The following PIK3R3 variants were observed in gnomAD, a reference collection of about 807,000 sequenced individuals.
PIK3R3 encodes the protein phosphatidylinositol 3-kinase regulatory subunit gamma.
Under a neutral mutation model 62.9 loss-of-function variants are expected in PIK3R3, and 64 were observed. The ratio of observed to expected loss-of-function variants is 1.02; its 90% CI spans 0.83 to 1.25. The LOEUF (loss-of-function observed/expected upper bound fraction) is 1.25. PIK3R3 is among the 50% of genes most tolerant of loss of function. The pLI, the probability that PIK3R3 is intolerant of heterozygous loss-of-function variation, is 0.00. For missense variants in PIK3R3, 614 were observed against 561.6 expected (o/e 1.09, Z -0.94); for synonymous variants, 165 against 189.0 (o/e 0.87, Z 1.04).
At chr1:46,046,777 C>T (rs774483432) in intron 7 of PIK3R3, 152 bp from the exon 8 acceptor site, 7 of 591,048 alleles carry the variant, frequency 1.2e-5, no homozygotes, top group Non-Finnish European at 2.1e-5. Context: ...ATTAGTCTCT[C>T]GATTACTTTT....
At chr1:46,169,080 C>T in the PIK3R3 span, among the ~76,000 whole-genome samples, 1 of 152,232 alleles carries the variant, frequency 6.6e-6, no homozygotes, top group Non-Finnish European at 1.5e-5. Context: ...ATGGAACTCA[C>T]TGCCTCTCAG....
intron 2 of PIK3R3, 114 bp downstream of exon 2, chr1:46,080,528 T>C (rs750932581): frequency 3.5e-5 from 25 of 720,888 alleles, no homozygotes; most frequent in Non-Finnish European, 5.9e-5. Flanking sequence ...CCTGAGTTGC[T>C]GGGATTATAG....
In PIK3R3 at chr1:46,132,453, A is replaced by G. The variant is rs1202012019; in HGVS notation, c.-501T>C. The G allele has an allele frequency of 8.4e-7, 1 of 1,191,766 alleles. No homozygotes were observed. Among genetic ancestry groups the G allele is most frequent in the East Asian group, 6.0e-5 (1 of 16,754 alleles). 73.8% of individuals were successfully genotyped at this position (1,191,766 alleles called of 1,614,324 possible). On this transcript the variant is annotated 5_prime_UTR_variant, in exon 1 of 10. Transcript: ENST00000262741. ...TTCGGGGTCCCACTGGTCTGCAGAG[A>G]GCGAATCCCCCAGAGGCCGGGACTC...
chr1:46,132,170 G>C lies in PIK3R3; in HGVS notation c.-218C>G. 3 of 1,327,050 alleles carry C rather than the reference G, an allele frequency of 2.3e-6. No homozygotes were observed. The highest frequency in any genetic ancestry group is 2.9e-6 in the Non-Finnish European group (3 of 1,035,352). 82.2% of individuals were successfully genotyped at this position (1,327,050 alleles called of 1,614,324 possible). On this transcript the variant is annotated 5_prime_UTR_variant, in exon 1 of 10. Coordinates refer to ENST00000262741, the MANE Select transcript of PIK3R3 (RefSeq NM_003629.4). ...AATGCCCCCGAACTTTCAAGCTATG[G>C]GCTTTTCTCCTCAGAGGATTACACA...
In PIK3R3 at chr1:46,121,843, C is replaced by G. The variant is rs562107977; in HGVS notation, c.106+10004G>C. 7.2e-5 allele frequency among the ~76,000 whole-genome samples: 11 copies of G among 152,058 alleles called. No homozygotes were observed. In the South Asian group the frequency reaches 2.3e-3, roughly 32 times the overall value. On this transcript the variant is annotated intron_variant, in intron 1 of 9. Coordinates refer to ENST00000262741, the MANE Select transcript of PIK3R3 (RefSeq NM_003629.4). ...TTGGCTTTGTGTTGGCTCATCAATA[C>G]CAACTCATAGGGCAGTTTTCATACT...
At position 46,131,930 on chromosome 1, in the gene PIK3R3, A is replaced by G; in HGVS notation, c.23T>C (p.Met8Thr). ...CCTCCAGTCTGCGTCATCGCGGTCCATACTCCACACCGTATTGTACATCGC... is the reference window on the plus strand; with the variant it reads ...CCTCCAGTCTGCGTCATCGCGGTCCGTACTCCACACCGTATTGTACATCGC... MYNTVWS[M>T]DRDDADWREV... The change falls in exon 1 of 10, where the codon ATG becomes ACG. Residue 8 changes from methionine (M) to threonine (T), a missense_variant. Met to Thr is a moderately conservative substitution (Grantham distance 81). Coordinates refer to ENST00000262741, the MANE Select transcript of PIK3R3 (RefSeq NM_003629.4). 1 of 1,613,940 alleles carries G rather than the reference A, an allele frequency of 6.2e-7. No individual in the cohort carries two copies. Among genetic ancestry groups the G allele is most frequent in the Non-Finnish European group, 8.5e-7 (1 of 1,179,930 alleles).
At chr1:46,109,810 T>G (rs1407281010) in intron 1 of PIK3R3, among the ~76,000 whole-genome samples, 1 of 152,182 alleles carries the variant, frequency 6.6e-6, no homozygotes, top group African/African-American at 2.4e-5. Context: ...CACCCTTCTC[T>G]GCTTCTTTTG....
chr1:46,100,572 T>C (rs1323093641), intron 1 of PIK3R3, among the ~76,000 whole-genome samples: 1 of 152,220 alleles, frequency 6.6e-6, no homozygotes, highest in Non-Finnish European at 1.5e-5. Context: ...GACTAAGTGC[T>C]CCTTCCTAAT....
intron 1 of PIK3R3, among the ~76,000 whole-genome samples, chr1:46,102,803 T>TAAAAAAAAAAAA (rs33975572): frequency 7.2e-5 from 4 of 55,766 alleles, no homozygotes; most frequent in Non-Finnish European, 1.2e-4. Flanking sequence ...GTATATATCT[T>TAAAAAAAAAAAA]AAAAAAAAAA....
At chr1:46,149,234 G>A in the PIK3R3 span, among the ~76,000 whole-genome samples, 1 of 151,926 alleles carries the variant, frequency 6.6e-6, no homozygotes, top group Non-Finnish European at 1.5e-5. Flanking sequence ...ACCAGCCTGG[G>A]CAACATAGTG....
chr1:46,123,810 A>T (rs1261085895), intron 1 of PIK3R3, among the ~76,000 whole-genome samples: 1 of 152,266 alleles, frequency 6.6e-6, no homozygotes, highest in East Asian at 1.9e-4. Flanking sequence ...AAAAGCATTT[A>T]ACATAGTGCT....
intron 1 of PIK3R3, 106 bp from the exon 2 acceptor site, chr1:46,080,856 T>C: frequency 1.5e-6 from 1 of 681,810 alleles, no homozygotes; most frequent in Non-Finnish European, 2.6e-6. Context: ...CTAATAATTA[T>C]CAATCAAATT....
intron 1 of PIK3R3, among the ~76,000 whole-genome samples, chr1:46,126,280 A>G (rs1402950860): frequency 4.0e-5 from 6 of 151,550 alleles, no homozygotes; most frequent in African/African-American, 1.5e-4. Context: ...GCTCACACCT[A>G]TAATCCCAGC....
intron 5 of PIK3R3, among the ~76,000 whole-genome samples, chr1:46,064,729 C>T (rs144580232): frequency 2.0e-5 from 3 of 151,828 alleles, no homozygotes; most frequent in African/African-American, 7.2e-5. Context: ...ATATTAAAAA[C>T]TGAATAATAA....
At chr1:46,163,860 T>C in the PIK3R3 span, among the ~76,000 whole-genome samples, 2 of 152,224 alleles carry the variant, frequency 1.3e-5, no homozygotes, top group African/African-American at 4.8e-5. Context: ...CACAGAGCAC[T>C]GTCCCCCTCC....
chr1:46,171,717 T>C, the PIK3R3 span, among the ~76,000 whole-genome samples: 1 of 151,714 alleles, frequency 6.6e-6, no homozygotes, highest in Non-Finnish European at 1.5e-5. Flanking sequence ...GGGGCAGGAG[T>C]TGGGGTCTGG....
chr1:46,156,458 CA>C, the PIK3R3 span, among the ~76,000 whole-genome samples: 7,250 of 59,798 alleles, frequency 0.12, 384 homozygotes, highest in African/African-American at 0.29. Flanking sequence ...GACTCTGTCT[CA>C]AAAAAAAAAA....
intron 1 of PIK3R3, among the ~76,000 whole-genome samples, chr1:46,103,932 T>G (rs1055032533): frequency 4.0e-5 from 6 of 151,330 alleles, no homozygotes; most frequent in African/African-American, 1.2e-4. Flanking sequence ...GTCTTTTTTT[T>G]GTTGTTTTTT....
chr1:46,066,118 G>C lies in PIK3R3; in HGVS notation c.557C>G (p.Ser186Cys), dbSNP rs141344830. Residue 186 changes from serine to cysteine, a missense_variant, in exon 5 of 10, where the codon TCT becomes TGT. Transcript: ENST00000262741. Reference protein sequence around the residue: ...AVGKKLQEYHSQYQEKSKEYD... With the variant: ...AVGKKLQEYHCQYQEKSKEYD... The stretch of plus-strand genomic sequence containing the variant: ...CTCTTTACTCTTCTCCTGATACTGA[G>C]AGTGGTATTCTTGCAGTTTTTTACC... 6 of 1,598,390 alleles carry C rather than the reference G, an allele frequency of 3.8e-6. No individual in the cohort carries two copies. The Middle Eastern group carries it at 5.0e-4, about 132-fold the overall frequency.
Sources: gnomAD v4.1 joint callset for allele counts (sites outside exome capture counted in the v4.1 genomes callset) on GRCh38, gnomAD v4.1.1 for gene constraint, MANE v1.5 for transcripts, NCBI Gene and HGNC (gene_info 2026-07-23, HGNC 2026-07-21) for gene names.